Variants in PLBD2 observed in about 807,000 individuals in gnomAD.
PLBD2 encodes the protein putative aminopeptidase PLBD2.
PLBD2 carries 51 observed loss-of-function variants against 68.3 expected under a neutral mutation model. That is an observed-to-expected ratio of 0.75 (90% confidence interval 0.60 to 0.94). The LOEUF (loss-of-function observed/expected upper bound fraction) is 0.94. PLBD2 is among the 40% of genes least tolerant of loss of function. The probability of loss-of-function intolerance (pLI) is 0.00; values close to 1 mark genes in which losing one functional copy is unlikely to be tolerated. For synonymous variants in PLBD2, 314 were observed against 339.3 expected (o/e 0.93, Z 0.82); for missense variants, 729 against 792.2 (o/e 0.92, Z 0.96).
rs768457373 is a variant in PLBD2 at position 113,385,293 on chromosome 12, T to C, written c.1286+10T>C. On this transcript the variant is annotated intron_variant, in intron 9 of 11. Transcript: ENST00000280800. ...CCAGCTACAACATACCGTGCGTGCC[T>C]TCTCACTCCGCTCCCCGTCACCCTC... The C allele has an allele frequency of 6.2e-7, 1 of 1,612,650 alleles. No individual in the cohort carries two copies. The highest frequency in any genetic ancestry group is 1.1e-5 in the South Asian group (1 of 91,012).
At position 113,384,283 on chromosome 12, in the gene PLBD2, C is replaced by A. The variant is rs780042563; in HGVS notation, c.1118+18C>A. ...AGCGGCACGTGAGTGGGCTTCTGGC[C>A]CTGTGGCTTCCCCTGCACCAAGAGA... On this transcript the variant is annotated intron_variant, in intron 7 of 11. Coordinates refer to ENST00000280800, the MANE Select transcript of PLBD2 (RefSeq NM_173542.4). This position sits in a 1 kb window ranked among gnomAD's most constrained non-coding sequence, Gnocchi z 4.2. The A allele has an allele frequency of 6.3e-7, 1 of 1,597,998 alleles. No individual in the cohort carries two copies. The highest frequency in any genetic ancestry group is 2.2e-5 in the East Asian group (1 of 44,668).
intron 1 of PLBD2, among the ~76,000 whole-genome samples, chr12:113,361,326 GGTTTTTTTTTTTTT>G (rs1394475930): frequency 8.8e-5 from 13 of 147,960 alleles, no homozygotes; most frequent in East Asian, 4.0e-4. Context: ...TTTTAAAAAA[GGTTTTTTTTTTTTT>G]GTTTTTTTTT....
rs567584901 is a variant in PLBD2 at position 113,390,342 on chromosome 12, C to T, written c.*1716C>T. ...TCACCCATCCACCCATCCATCCATC[C>T]AATCACCCATCCAACCATCAATCCA... On this transcript the variant is annotated 3_prime_UTR_variant, in exon 12 of 12. Coordinates refer to ENST00000280800, the MANE Select transcript of PLBD2 (RefSeq NM_173542.4). The T allele has an allele frequency of 6.6e-6, 1 of 152,028 alleles. No individual in the cohort carries two copies. Among genetic ancestry groups the T allele is most frequent in the South Asian group, 2.1e-4 (1 of 4,808 alleles). 9.4% of individuals were successfully genotyped at this position (152,028 alleles called of 1,614,324 possible).
chr12:113,362,866 C>T (rs531473818), intron 1 of PLBD2, among the ~76,000 whole-genome samples: 4 of 151,480 alleles, frequency 2.6e-5, no homozygotes, highest in Non-Finnish European at 5.9e-5. Context: ...CTCATTGCAA[C>T]CTCCGCCTCC....
In PLBD2 at chr12:113,374,507, G is replaced by T. The variant is rs1435002758; in HGVS notation, c.577G>T (p.Glu193Ter). 1.9e-6 allele frequency: 3 copies of T among 1,606,108 alleles called. No homozygotes were observed. The highest frequency in any genetic ancestry group is 2.5e-6 in the Non-Finnish European group (3 of 1,177,012). Residue 193 changes from glutamate to a stop codon, truncating the protein, a stop_gained, in exon 4 of 12, where the codon GAG (glutamate) becomes TAG (stop). Transcript: ENST00000280800. LOFTEE classifies it high-confidence loss of function. ...RLTLLQLKGL[E>*]DSYEGRVSFP... ...GACCCTCCTGCAGCTGAAAGGCCTG[G>T]AGGACAGCTACGAAGGCCGTGTGAG...
Position 113,391,541 on chromosome 12 carries a change from A to G in PLBD2, c.*2915A>G, listed in dbSNP as rs1957610514. 6.6e-6 allele frequency: 1 copy of G among 152,264 alleles called. No individual in the cohort carries two copies. Among genetic ancestry groups the G allele is most frequent in the African/African-American group, 2.4e-5 (1 of 41,468 alleles). The allele number at this position is 152,264 out of a possible 1,614,324, so 9.4% of individuals were successfully genotyped here. A position where few individuals can be genotyped will look rare whatever the true frequency, so the allele number is the denominator to read the frequency against. ...GTGAAGTTTACATTGACTAGATAGT[A>G]AACAAAATAAATGAAATATGCAGTG... On this transcript the variant is annotated 3_prime_UTR_variant, in exon 12 of 12. Transcript: ENST00000280800.
intron 1 of PLBD2, among the ~76,000 whole-genome samples, chr12:113,364,858 T>C (rs1366122779): frequency 2.0e-5 from 3 of 152,136 alleles, no homozygotes; most frequent in Non-Finnish European, 4.4e-5. Context: ...GGAGTCACTC[T>C]GCCCATTTTA....
intron 2 of PLBD2, among the ~76,000 whole-genome samples, chr12:113,369,605 G>A (rs1020638148): frequency 6.6e-6 from 1 of 152,068 alleles, no homozygotes; most frequent in African/African-American, 2.4e-5. Flanking sequence ...AGCTATAAAC[G>A]GGAATAAAGG....
intron 1 of PLBD2, among the ~76,000 whole-genome samples, chr12:113,365,170 A>G (rs144233957): frequency 3.1e-4 from 47 of 152,294 alleles, no homozygotes; most frequent in African/African-American, 1.1e-3. Context: ...AGAGGCGCAG[A>G]GCATTCACTC....
At position 113,358,638 on chromosome 12, in the gene PLBD2, T is replaced by C; in HGVS notation, c.38T>C (p.Leu13Pro). 6.8e-7 allele frequency: 1 copy of C among 1,465,436 alleles called. No homozygotes were observed. Among genetic ancestry groups the C allele is most frequent in the Non-Finnish European group, 9.0e-7 (1 of 1,115,900 alleles). The allele number at this position is 1,465,436 out of a possible 1,614,324, so 90.8% of individuals were successfully genotyped here. The change falls in exon 1 of 12, where the codon CTG becomes CCG. Residue 13 changes from leucine (L) to proline (P), a missense_variant. Transcript: ENST00000280800. ...GQMYCYPGSH[L>P]ARALTRALAL... ...ATGTACTGCTACCCCGGCAGCCACC[T>C]GGCCCGGGCGCTGACGCGGGCGCTG...
chr12:113,375,041 A>G (rs375319838), intron 5 of PLBD2, 34 bp downstream of exon 5: 416 of 1,603,208 alleles, frequency 2.6e-4, no homozygotes, highest in Non-Finnish European at 3.1e-4. Context: ...GGGGATGAGC[A>G]GGTGGGTGGG....
At chr12:113,370,421 A>G (rs1004459757) in intron 2 of PLBD2, among the ~76,000 whole-genome samples, 2 of 144,872 alleles carry the variant, frequency 1.4e-5, no homozygotes, top group African/African-American at 2.6e-5. Context: ...AATATGTTAT[A>G]TATTTTTTCT....
At chr12:113,382,830 G>GTTTTTTTTTT (rs1179441269) in intron 6 of PLBD2, among the ~76,000 whole-genome samples, 18 of 126,320 alleles carry the variant, frequency 1.4e-4, no homozygotes, top group African/African-American at 5.0e-4. Flanking sequence ...GGTGGTGGTG[G>GTTTTTTTTTT]TTTTTTGTGT....
chr12:113,361,547 A>G (rs975974752), intron 1 of PLBD2, among the ~76,000 whole-genome samples: 4 of 151,790 alleles, frequency 2.6e-5, no homozygotes, highest in African/African-American at 9.7e-5. Context: ...GGGTCTTGTC[A>G]TGTTGCCCAG....
chr12:113,378,153 G>A (rs764384408), intron 5 of PLBD2, among the ~76,000 whole-genome samples: 8 of 152,136 alleles, frequency 5.3e-5, no homozygotes, highest in East Asian at 1.9e-4. Flanking sequence ...CTAGCTGGGC[G>A]TGGTGGCGCA....
At position 113,387,059 on chromosome 12, in the gene PLBD2, A is replaced by G. The variant is rs1593292936; in HGVS notation, c.1409A>G (p.Gln470Arg). Reference protein sequence around the residue: ...QIFRRNQSLVQDMDSMVRLMR... With the variant: ...QIFRRNQSLVRDMDSMVRLMR... ...TTCCGGCGGAACCAGTCACTGGTAC[A>G]AGACATGGACTCCATGGTCAGGCTG... Residue 470 changes from glutamine (Q) to arginine (R), a missense_variant, in exon 10 of 12, where the codon CAA (glutamine) becomes CGA (arginine). Coordinates refer to ENST00000280800, the MANE Select transcript of PLBD2 (RefSeq NM_173542.4). The G allele has an allele frequency of 1.2e-6, 2 of 1,608,550 alleles. No individual in the cohort carries two copies. Among genetic ancestry groups the G allele is most frequent in the Non-Finnish European group, 1.7e-6 (2 of 1,177,712 alleles).
chr12:113,368,050 C>G (rs1957357053), intron 1 of PLBD2, among the ~76,000 whole-genome samples: 1 of 152,056 alleles, frequency 6.6e-6, no homozygotes, highest in Non-Finnish European at 1.5e-5. Flanking sequence ...CCAGTACCCC[C>G]CAGCCTGGGA....
chr12:113,388,803 C>A lies in PLBD2; in HGVS notation c.*177C>A. 2 of 588,416 alleles carry A rather than the reference C, an allele frequency of 3.4e-6. No individual in the cohort carries two copies. Among genetic ancestry groups the A allele is most frequent in the Non-Finnish European group, 5.5e-6 (2 of 366,104 alleles). The allele number at this position is 588,416 out of a possible 1,614,324, so 36.4% of individuals were successfully genotyped here. ...AACCTGATGGGGCTCAGAACTGACC[C>A]CCTCTCTCCCCCGAGGTGGGTGGGC... On this transcript the variant is annotated 3_prime_UTR_variant, in exon 12 of 12. Coordinates refer to ENST00000280800, the MANE Select transcript of PLBD2 (RefSeq NM_173542.4).
intron 1 of PLBD2, among the ~76,000 whole-genome samples, chr12:113,360,747 C>T (rs1031694035): frequency 6.6e-6 from 1 of 152,232 alleles, no homozygotes; most frequent in East Asian, 1.9e-4. Context: ...CCTCCCCACC[C>T]TGGGTTCAAG....
Sources: gnomAD v4.1 joint callset for allele counts (sites outside exome capture counted in the v4.1 genomes callset) on GRCh38, gnomAD v4.1.1 for gene constraint, Gnocchi (gnomAD v3.1) non-coding constraint, MANE v1.5 for transcripts, NCBI Gene and HGNC (gene_info 2026-07-23, HGNC 2026-07-21) for gene names.